The following WWOX variants were observed in gnomAD, a reference collection of about 807,000 sequenced individuals.
WWOX encodes WW domain-containing oxidoreductase.
Under a neutral mutation model 46.2 loss-of-function variants are expected in WWOX, and 69 were observed. The ratio of observed to expected loss-of-function variants is 1.49; its 90% CI spans 1.23 to 1.82. WWOX has a LOEUF of 1.82. Ranked by LOEUF, WWOX falls within the 40% of genes most tolerant of loss-of-function variation. The probability of loss-of-function intolerance (pLI) is 0.00; values close to 1 mark genes in which losing one functional copy is unlikely to be tolerated. For synonymous variants in WWOX, 359 were observed against 202.6 expected, an observed-to-expected ratio of 1.77 and a Z score of -6.56; for missense variants, 919 against 542.6, an observed-to-expected ratio of 1.69 and a Z score of -6.89.
intron 5 of WWOX, among the ~76,000 whole-genome samples, chr16:78,358,758 G>A (rs1413850585): frequency 6.6e-6 from 1 of 151,710 alleles, no homozygotes; most frequent in East Asian, 1.9e-4. Flanking sequence ...ATACAAATGA[G>A]GGAAAAATTG....
chr16:78,831,314 C>T (rs1280673397), intron 8 of WWOX, among the ~76,000 whole-genome samples: 1 of 152,174 alleles, frequency 6.6e-6, no homozygotes, highest in African/African-American at 2.4e-5. Context: ...ATTGATATCC[C>T]CTGAAGTAGC....
rs527831636 is a variant in WWOX at position 79,030,273 on chromosome 16, T to C, written c.1057-181335T>C. ...CTACTCTTTTAATTTTTTTAATAAT[T>C]ACTTTATGACTTCTTCATTAGGGTT... is the stretch of plus-strand genomic sequence containing the variant. On this transcript the variant is annotated intron_variant, in intron 8 of 8. Transcript: ENST00000566780. Among the ~76,000 whole-genome samples the C allele has an allele frequency of 5.3e-5, 8 of 152,366 alleles. No individual in the cohort carries two copies. In the South Asian group the frequency reaches 1.7e-3, roughly 32 times the overall value.
chr16:78,345,586 G>C (rs1372420091), intron 5 of WWOX, among the ~76,000 whole-genome samples: 3 of 91,532 alleles, frequency 3.3e-5, no homozygotes, highest in Admixed American at 1.2e-4. Context: ...GCTACAGTGA[G>C]CTGTGATCCT....
intron 8 of WWOX, among the ~76,000 whole-genome samples, chr16:78,682,524 A>G (rs887038178): frequency 6.6e-6 from 1 of 152,096 alleles, no homozygotes; most frequent in African/African-American, 2.4e-5. Flanking sequence ...TGGAGGCTGC[A>G]ACGACTTACG....
chr16:78,670,112 T>G (rs2047424769), intron 8 of WWOX, among the ~76,000 whole-genome samples: 1 of 151,720 alleles, frequency 6.6e-6, no homozygotes. Context: ...ATCTTTGTTG[T>G]GAGGGCTTCT....
At chr16:78,232,428 A>G (rs773634267) in intron 5 of WWOX, among the ~76,000 whole-genome samples, 5 of 152,144 alleles carry the variant, frequency 3.3e-5, no homozygotes, top group African/African-American at 4.8e-5. Context: ...CCTCCCCAGT[A>G]GTTGTGAACT....
intron 8 of WWOX, among the ~76,000 whole-genome samples, chr16:78,680,601 C>A (rs904478265): frequency 6.6e-6 from 1 of 152,110 alleles, no homozygotes; most frequent in Non-Finnish European, 1.5e-5. Context: ...ACACGTGGGG[C>A]CATTTCAAGC....
rs562657727 is a variant in WWOX at position 78,234,658 on chromosome 16, C to G, written c.516+70369C>G. Among the ~76,000 whole-genome samples the G allele has an allele frequency of 6.4e-4, 97 of 152,066 alleles. 1 individual carries two copies. Among genetic ancestry groups the G allele is most frequent in the African/African-American group, 2.3e-3 (95 of 41,492 alleles). On this transcript the variant is annotated intron_variant, in intron 5 of 8. Coordinates refer to ENST00000566780, the MANE Select transcript of WWOX (RefSeq NM_016373.4). ...CAAATCAAAATGCTAATAATTCTTC[C>G]AAGTCAAAAGGTAACTCTCATTTTA...
intron 8 of WWOX, among the ~76,000 whole-genome samples, chr16:79,172,842 A>G (rs1245714382): frequency 6.8e-6 from 1 of 146,896 alleles, no homozygotes; most frequent in East Asian, 2.1e-4. Flanking sequence ...TCAGGGCAAT[A>G]TAGACTACCT....
Position 78,422,684 on chromosome 16 carries a change from T to TATATATACAC in WWOX, c.606-2185_606-2184insTATATACACA, listed in dbSNP as rs1263877025. Among the ~76,000 whole-genome samples, 12 of 52,970 alleles carry TATATATACAC rather than the reference T, an allele frequency of 2.3e-4. 1 individual carries two copies. Among genetic ancestry groups the TATATATACAC allele is most frequent in the Admixed American group, 1.9e-3 (9 of 4,674 alleles). 34.8% of individuals were successfully genotyped at this position (52,970 alleles called of 152,430 possible). A position where few individuals can be genotyped will look rare whatever the true frequency, so the allele number is the denominator to read the frequency against. Reference sequence around the variant, plus strand: ...ACATGTATATATATATATATATATATACACACACACACACACATATATATA... The same window carrying TATATATACAC: ...ACATGTATATATATATATATATATATATATATACACACACACACACACACACATATATATA... On this transcript the variant is annotated intron_variant, in intron 6 of 8. Transcript: ENST00000566780.
chr16:79,145,091 T>A (rs956617589), intron 8 of WWOX, among the ~76,000 whole-genome samples: 1 of 152,192 alleles, frequency 6.6e-6, no homozygotes. Context: ...TGCCACTGAT[T>A]ATGGGTCAGA....
intron 8 of WWOX, chr16:78,898,528 C>T (rs2044753443): frequency 6.6e-6 from 1 of 152,108 alleles, no homozygotes; most frequent in African/African-American, 2.4e-5. Context: ...GCTCGATTGC[C>T]TGGAAGCTAG....
At chr16:78,459,665 G>T (rs1243985474) in intron 8 of WWOX, among the ~76,000 whole-genome samples, 1 of 152,120 alleles carries the variant, frequency 6.6e-6, no homozygotes. Flanking sequence ...GTTTGCCAAT[G>T]GATATTCTTG....
intron 8 of WWOX, among the ~76,000 whole-genome samples, chr16:79,024,704 G>C (rs1054743433): frequency 2.0e-5 from 3 of 152,032 alleles, no homozygotes; most frequent in African/African-American, 7.3e-5. Flanking sequence ...CAAAGTGCTG[G>C]GATTACAGGC....
At chr16:78,654,298 A>C (rs1310294526) in intron 8 of WWOX, among the ~76,000 whole-genome samples, 7 of 152,226 alleles carry the variant, frequency 4.6e-5, no homozygotes, top group African/African-American at 1.7e-4. Context: ...TATGAAACAT[A>C]AATCCCTTTG....
chr16:78,810,374 C>A (rs368912817), intron 8 of WWOX, among the ~76,000 whole-genome samples: 1 of 152,192 alleles, frequency 6.6e-6, no homozygotes, highest in Non-Finnish European at 1.5e-5. Flanking sequence ...TGGACACATG[C>A]AGCCACACTT....
chr16:78,757,325 TACCCCAGCACCCCAGC>T (rs71140826), intron 8 of WWOX, among the ~76,000 whole-genome samples: 2 of 151,044 alleles, frequency 1.3e-5, no homozygotes, highest in Non-Finnish European at 3.0e-5. Context: ...TCTTACCACC[TACCCCAGCACCCCAGC>T]ACCCCAGCAC....
At chr16:79,116,531 TC>T (rs1157067777) in intron 8 of WWOX, among the ~76,000 whole-genome samples, 2 of 152,182 alleles carry the variant, frequency 1.3e-5, no homozygotes, top group Admixed American at 1.3e-4. Flanking sequence ...TTTGCTCATC[TC>T]TAAGAAGCAA....
chr16:78,488,933 G>A (rs2084708891), intron 8 of WWOX, among the ~76,000 whole-genome samples: 1 of 152,144 alleles, frequency 6.6e-6, no homozygotes, highest in Non-Finnish European at 1.5e-5. Flanking sequence ...TTTGGGATGT[G>A]CTTTCTGATA....
Sources: gnomAD v4.1 joint callset for allele counts (sites outside exome capture counted in the v4.1 genomes callset) on GRCh38, gnomAD v4.1.1 for gene constraint, MANE v1.5 for transcripts, NCBI Gene and HGNC (gene_info 2026-07-23, HGNC 2026-07-21) for gene names.